Variants in SVEP1 observed in about 807,000 individuals in gnomAD.
The protein encoded by SVEP1 is sushi, von Willebrand factor type A, EGF and pentraxin domain-containing protein 1.
A neutral mutation model predicts 367.3 loss-of-function variants in SVEP1; 164 were observed. That is an observed-to-expected ratio of 0.45 (90% confidence interval 0.39 to 0.51). SVEP1 has a LOEUF of 0.51. Among genes scored for constraint, SVEP1 ranks in the 20% least tolerant of loss-of-function variants. The pLI is 0.00. For missense variants in SVEP1, 4,117 were observed against 4,425.3 expected, an observed-to-expected ratio of 0.93 and a Z score of 1.98; for synonymous variants, 1,666 against 1,611.6, an observed-to-expected ratio of 1.03 and a Z score of -0.81.
chr9:110,453,898 A>G (rs1828737597), intron 22 of SVEP1, among the ~76,000 whole-genome samples: 1 of 133,274 alleles, frequency 7.5e-6, no homozygotes, highest in Admixed American at 7.5e-5. Flanking sequence ...AAAAAAAAAA[A>G]GCCATTCTGA....
intron 26 of SVEP1, 65 bp from the exon 27 acceptor site, chr9:110,443,785 C>T (rs1828550153): frequency 1.5e-6 from 2 of 1,342,704 alleles, no homozygotes; most frequent in Admixed American, 3.0e-5. Context: ...TACTGTGGGG[C>T]ATGCTACAAT....
At chr9:110,386,922 T>G (rs539838023) in intron 42 of SVEP1, among the ~76,000 whole-genome samples, 3 of 152,146 alleles carry the variant, frequency 2.0e-5, no homozygotes, top group African/African-American at 7.2e-5. Context: ...TATATTAACA[T>G]CACATATTAA....
intron 40 of SVEP1, among the ~76,000 whole-genome samples, chr9:110,398,635 C>T (rs1827807361): frequency 6.6e-6 from 1 of 152,022 alleles, no homozygotes; most frequent in African/African-American, 2.4e-5. Context: ...TGAACACAAA[C>T]AAATTTATAA....
At position 110,391,271 on chromosome 9, in the gene SVEP1, C is replaced by T. The variant is rs10980362; in HGVS notation, c.9823-1684G>A. On this transcript the variant is annotated intron_variant, in intron 40 of 47. Coordinates refer to ENST00000374469, the MANE Select transcript of SVEP1 (RefSeq NM_153366.4). ...AACCTGATGGGTCATTACTTTTTGT[C>T]TTTTTTTTTTTTTTTTTGAGACAGA... is the stretch of plus-strand genomic sequence containing the variant. Among the ~76,000 whole-genome samples the T allele has an allele frequency of 2.7e-3, 341 of 125,230 alleles. 10 individuals are homozygous for T. In the East Asian group the frequency reaches 0.045, roughly 17 times the overall value. The allele number at this position is 125,230 out of a possible 152,430, so 82.2% of individuals were successfully genotyped here.
intron 17 of SVEP1, among the ~76,000 whole-genome samples, chr9:110,468,620 T>C (rs1000348657): frequency 1.3e-5 from 2 of 152,226 alleles, no homozygotes; most frequent in South Asian, 4.1e-4. Context: ...CAGGGATACA[T>C]TGAAGAATCT....
At chr9:110,481,139 T>G in intron 12 of SVEP1, 103 bp downstream of exon 12, 1 of 839,306 alleles carries the variant, frequency 1.2e-6, no homozygotes, top group Non-Finnish European at 1.7e-6. Flanking sequence ...CATGGCACCA[T>G]TTTCCATTAA....
intron 26 of SVEP1, among the ~76,000 whole-genome samples, chr9:110,444,344 G>A (rs1236615619): frequency 2.7e-5 from 4 of 149,604 alleles, no homozygotes; most frequent in Admixed American, 2.0e-4. Context: ...AGGTGCCATC[G>A]TGGACAGGAA....
Position 110,406,956 on chromosome 9 carries a change from C to T in SVEP1, c.8644G>A (p.Ala2882Thr), listed in dbSNP as rs764827929. 1.9e-6 allele frequency: 3 copies of T among 1,613,790 alleles called. No individual in the cohort carries two copies. The African/African-American group carries it at 4.0e-5, about 22-fold the overall frequency. Reference sequence around the variant, plus strand: ...CTGACAGGCACACAGTCGGGAGTGGCTCCACTCCAACTTCCATTGGCAAGA... The same window carrying T: ...CTGACAGGCACACAGTCGGGAGTGGTTCCACTCCAACTTCCATTGGCAAGA... ...VCLANGSWSG[A>T]TPDCVPVRCA... is the part of the protein sequence containing the mutation. The change falls in exon 38 of 48, where the codon GCC (alanine) becomes ACC (threonine). Residue 2882 changes from alanine to threonine, a missense_variant. Around this residue, in one of 4 missense-constraint regions of SVEP1, gnomAD observed 1,765 missense variants for 1,781.1 expected, o/e 0.99. Coordinates refer to ENST00000374469, the MANE Select transcript of SVEP1 (RefSeq NM_153366.4).
At chr9:110,389,882 A>G (rs1827600321) in intron 40 of SVEP1, among the ~76,000 whole-genome samples, 1 of 131,922 alleles carries the variant, frequency 7.6e-6, no homozygotes, top group Non-Finnish European at 1.7e-5. Flanking sequence ...CAAAGAATGC[A>G]TTAGAAGTAG....
chr9:110,400,886 T>C lies in SVEP1; in HGVS notation c.9790A>G (p.Ile3264Val). 6.2e-7 allele frequency: 1 copy of C among 1,613,806 alleles called. No individual in the cohort carries two copies. Among genetic ancestry groups the C allele is most frequent in the South Asian group, 1.1e-5 (1 of 91,062 alleles). Residue 3264 changes from isoleucine (I) to valine (V), a missense_variant, in exon 40 of 48, where the codon ATT (isoleucine) becomes GTT (valine). Physicochemically the swap from Ile to Val is conservative, Grantham distance 29. Coordinates refer to ENST00000374469, the MANE Select transcript of SVEP1 (RefSeq NM_153366.4). ...GSKYTFESTIIYQCEPGYELE... is the reference protein window; with the variant it reads ...GSKYTFESTIVYQCEPGYELE... Reference sequence around the variant, plus strand: ...TCATAGCCAGGCTCACACTGATAAATAATTGTGCTTTCAAAGGTGTATTTA... The same window carrying C: ...TCATAGCCAGGCTCACACTGATAAACAATTGTGCTTTCAAAGGTGTATTTA...
intron 36 of SVEP1, among the ~76,000 whole-genome samples, chr9:110,423,892 C>G (rs991621035): frequency 6.6e-5 from 10 of 152,154 alleles, no homozygotes; most frequent in African/African-American, 2.4e-4. Flanking sequence ...AGTTAAACTA[C>G]AATTTGAGAA....
At chr9:110,441,542 A>T (rs1466027900) in intron 27 of SVEP1, among the ~76,000 whole-genome samples, 1 of 152,132 alleles carries the variant, frequency 6.6e-6, no homozygotes, top group Admixed American at 6.6e-5. Context: ...TACTGGCTGG[A>T]TTGGCGCTTG....
At chr9:110,423,168 T>TAAAAAAAAAAAAAAAGA (rs1828197035) in intron 36 of SVEP1, among the ~76,000 whole-genome samples, 98 of 103,494 alleles carry the variant, frequency 9.5e-4, no homozygotes, top group Non-Finnish European at 1.6e-3. Context: ...AAAAATAAAG[T>TAAAAAAAAAAAAAAAGA]AAAAAAAAAA....
intron 18 of SVEP1, among the ~76,000 whole-genome samples, chr9:110,464,715 T>C (rs1315616705): frequency 2.0e-5 from 3 of 152,188 alleles, no homozygotes; most frequent in African/African-American, 4.8e-5. Flanking sequence ...TCAGTTGCCA[T>C]AGACCTTAGG....
chr9:110,425,941 A>G (rs1828246804), intron 36 of SVEP1, among the ~76,000 whole-genome samples: 1 of 152,236 alleles, frequency 6.6e-6, no homozygotes, highest in Admixed American at 6.5e-5. Flanking sequence ...TATGGTGATC[A>G]TGCATTACTT....
chr9:110,394,651 C>G (rs1006692054), intron 40 of SVEP1, among the ~76,000 whole-genome samples: 2 of 152,070 alleles, frequency 1.3e-5, no homozygotes, highest in African/African-American at 4.8e-5. Context: ...GCAGAGAAGT[C>G]CTTAAAGGAC....
chr9:110,366,899 T>C (rs1827210329), intron 47 of SVEP1, among the ~76,000 whole-genome samples: 1 of 152,264 alleles, frequency 6.6e-6, no homozygotes, highest in Non-Finnish European at 1.5e-5. Context: ...ATCTATGGTT[T>C]TTCATTATGA....
intron 32 of SVEP1, among the ~76,000 whole-genome samples, chr9:110,430,678 T>C (rs970300293): frequency 3.9e-5 from 6 of 152,180 alleles, no homozygotes; most frequent in African/African-American, 1.4e-4. Flanking sequence ...CTAACAACAA[T>C]ATACATAATT....
At chr9:110,558,513 CA>C (rs59604799) in intron 1 of SVEP1, among the ~76,000 whole-genome samples, 29,429 of 90,598 alleles carry the variant, frequency 0.32, 2,661 homozygotes, top group East Asian at 0.56. Flanking sequence ...GACCCTGTCT[CA>C]AAAAAAAAAA....
Sources: allele counts gnomAD v4.1 joint callset (sites outside exome capture counted in the v4.1 genomes callset), GRCh38; gene constraint gnomAD v4.1.1; regional missense constraint gnomAD v4.1.1; transcripts MANE v1.5; gene names NCBI Gene and HGNC (gene_info 2026-07-23, HGNC 2026-07-21).